TMEM255A: variants seen among roughly 807,000 people sequenced by gnomAD.
TMEM255A encodes transmembrane protein 255A, also known as family with sequence similarity 70, member A.
TMEM255A carries 14 observed loss-of-function variants against 23.5 expected under a neutral mutation model. The observed-to-expected ratio is 0.60, with a 90% CI of 0.39 to 0.93. The LOEUF (loss-of-function observed/expected upper bound fraction) is 0.93, where lower values mean the gene tolerates loss of function less well. Ranked by LOEUF, TMEM255A falls within the 40% of genes least tolerant of loss-of-function variation. The pLI is 0.00. For missense variants in TMEM255A, 233 were observed against 261.7 expected (o/e 0.89, Z 0.76); for synonymous variants, 104 against 100.3 (o/e 1.04, Z -0.22).
At chrX:120,289,076 C>T (rs1556022371) in intron 4 of TMEM255A, among the ~76,000 whole-genome samples, 1 of 111,588 alleles carries the variant, frequency 9.0e-6, no homozygotes, top group Non-Finnish European at 1.9e-5. Flanking sequence ...AACAATAGGA[C>T]AGCTGGCTCT....
At position 120,274,728 on chromosome X, in the gene TMEM255A, A is replaced by G. The variant is rs190535392; in HGVS notation, c.675+2157T>C. The stretch of plus-strand genomic sequence containing the variant: ...GCCTATTCCTTTGTTTAATACACGC[A>G]TCTTGAAAGTGGACAAGGAGAAAAA... On this transcript the variant is annotated intron_variant, in intron 7 of 8. Transcript: ENST00000371369. Among the ~76,000 whole-genome samples the G allele has an allele frequency of 2.3e-4, 26 of 112,197 alleles. No individual in the cohort carries two copies. In the East Asian group the frequency reaches 7.0e-3, roughly 30 times the overall value.
intron 4 of TMEM255A, among the ~76,000 whole-genome samples, chrX:120,290,542 T>G (rs1349033623): frequency 8.9e-6 from 1 of 112,414 alleles, no homozygotes; most frequent in East Asian, 2.8e-4. Context: ...GCTACAAAAA[T>G]AGGTATATAC....
At chrX:120,269,865 C>T (rs915384623) in intron 7 of TMEM255A, among the ~76,000 whole-genome samples, 1 of 112,038 alleles carries the variant, frequency 8.9e-6, no homozygotes, top group Middle Eastern at 4.6e-3. Context: ...AAAACACACC[C>T]TCCAGCTCTC....
chrX:120,285,591 G>A, intron 5 of TMEM255A: 3 of 1,208,904 alleles, frequency 2.5e-6, no homozygotes, highest in Non-Finnish European at 3.4e-6. Flanking sequence ...GAAGACAGAG[G>A]AGCCGGCGCA....
At position 120,271,721 on chromosome X, in the gene TMEM255A, C is replaced by G. The variant is rs187297948; in HGVS notation, c.676-3334G>C. Among the ~76,000 whole-genome samples, 175 of 109,308 alleles carry G rather than the reference C, an allele frequency of 1.6e-3. 1 individual carries two copies. The highest frequency in any genetic ancestry group is 2.7e-3 in the Non-Finnish European group (143 of 52,626). 94.9% of individuals were successfully genotyped at this position (109,308 alleles called of 115,157 possible). ...CTTATACTAGATATAAAAATTAAATCAAAATGTTTCAAAGCCCTAAATGTA... is the reference window on the plus strand; with the variant it reads ...CTTATACTAGATATAAAAATTAAATGAAAATGTTTCAAAGCCCTAAATGTA... On this transcript the variant is annotated intron_variant, in intron 7 of 8. Coordinates refer to ENST00000371369, the MANE Select transcript of TMEM255A (RefSeq NM_001104544.3).
chrX:120,311,239 C>T lies in TMEM255A; in HGVS notation c.58+13G>A. On this transcript the variant is annotated intron_variant, in intron 1 of 8. Coordinates refer to ENST00000371369, the MANE Select transcript of TMEM255A (RefSeq NM_001104544.3). ...CTGCTGCCGCCGCCCGAAGGAAGGG[C>T]CGCTAGACTTACCCATGGAATCGGG... 8.5e-7 allele frequency: 1 copy of T among 1,174,950 alleles called. No homozygotes were observed. Among genetic ancestry groups the T allele is most frequent in the South Asian group, 1.9e-5 (1 of 53,152 alleles).
At chrX:120,251,531 G>A in the TMEM255A span, among the ~76,000 whole-genome samples, 2 of 111,330 alleles carry the variant, frequency 1.8e-5, no homozygotes, top group Admixed American at 9.5e-5. Context: ...CGTGAATTGG[G>A]GTTAAAAACC....
chrX:120,292,591 T>C (rs782763719), intron 3 of TMEM255A, among the ~76,000 whole-genome samples: 83 of 110,649 alleles, frequency 7.5e-4, no homozygotes, highest in African/African-American at 2.7e-3. Flanking sequence ...AAACCTCATC[T>C]CTACTAAAAA....
At chrX:120,296,993 T>A (rs1393956057) in intron 2 of TMEM255A, among the ~76,000 whole-genome samples, 1 of 4,160 alleles carries the variant, frequency 2.4e-4, no homozygotes, top group Non-Finnish European at 3.4e-4. Context: ...ATATATATAT[T>A]ATATATAATA....
Position 120,285,810 on chromosome X carries a change from T to A in TMEM255A, c.424-595A>T, listed in dbSNP as rs2057871256. 3.3e-6 allele frequency: 4 copies of A among 1,200,175 alleles called. No homozygotes were observed. In the East Asian group the frequency reaches 1.2e-4, roughly 36 times the overall value. ...ACGCAAGAAAGCTATCACAACAAAA[T>A]CTAGAGAACAGCAATGACATTTTAC... On this transcript the variant is annotated intron_variant, in intron 5 of 8. Transcript: ENST00000371369.
At chrX:120,253,898 T>C, downstream of TMEM255A, 1 of 1,211,518 alleles carries the variant, frequency 8.3e-7, no homozygotes, top group Middle Eastern at 2.3e-4. Flanking sequence ...ATAATGGGGC[T>C]ACTATAATGC....
intron 6 of TMEM255A, among the ~76,000 whole-genome samples, chrX:120,281,609 A>G (rs782813477): frequency 7.1e-4 from 80 of 112,973 alleles, no homozygotes; most frequent in African/African-American, 2.3e-3. Context: ...ATTGATGCCC[A>G]TTCTTTTAGA....
chrX:120,285,630 T>C (rs782174430), intron 5 of TMEM255A: 1 of 1,211,566 alleles, frequency 8.3e-7, no homozygotes, highest in Admixed American at 2.2e-5. Flanking sequence ...AGTACCTCTC[T>C]AGCTGCCTGG....
At chrX:120,269,732 C>G (rs993764717) in intron 7 of TMEM255A, among the ~76,000 whole-genome samples, 1 of 111,680 alleles carries the variant, frequency 9.0e-6, no homozygotes, top group Middle Eastern at 4.2e-3. Flanking sequence ...CTTGACCATT[C>G]CAAGGGCTGG....
In TMEM255A at chrX:120,263,738, A is replaced by G. The variant is rs782638948; in HGVS notation, c.820-2710T>C. Among the ~76,000 whole-genome samples, 9 of 105,935 alleles carry G rather than the reference A, an allele frequency of 8.5e-5. No homozygotes were observed. In the South Asian group the frequency reaches 1.7e-3, roughly 20 times the overall value. 92.0% of individuals were successfully genotyped at this position (105,935 alleles called of 115,157 possible). On this transcript the variant is annotated intron_variant, in intron 8 of 8. Coordinates refer to ENST00000371369, the MANE Select transcript of TMEM255A (RefSeq NM_001104544.3). ...GAGAAGAGTGGGTAAAAGAAAGAGGAAAAAAAAAAGGATGAGTCAGGAACA... is the reference window on the plus strand; with the variant it reads ...GAGAAGAGTGGGTAAAAGAAAGAGGGAAAAAAAAAGGATGAGTCAGGAACA...
chrX:120,296,641 T>TG (rs2057959690), intron 2 of TMEM255A, among the ~76,000 whole-genome samples: 1 of 66,830 alleles, frequency 1.5e-5, no homozygotes, highest in African/African-American at 6.6e-5. Flanking sequence ...ATATATTATA[T>TG]TATAATATAA....
chrX:120,297,520 A>G (rs2058005010), intron 2 of TMEM255A, among the ~76,000 whole-genome samples: 1 of 110,213 alleles, frequency 9.1e-6, no homozygotes, highest in African/African-American at 3.3e-5. Flanking sequence ...CAGTGTTGCT[A>G]AAACAATCTT....
chrX:120,255,304 C>G, downstream of TMEM255A: 1 of 1,211,689 alleles, frequency 8.3e-7, no homozygotes, highest in Non-Finnish European at 1.1e-6. Context: ...GTAGGGACCA[C>G]TACATCTACT....
intron 6 of TMEM255A, among the ~76,000 whole-genome samples, chrX:120,282,902 G>A (rs1472750410): frequency 3.6e-5 from 4 of 111,218 alleles, no homozygotes; most frequent in Non-Finnish European, 5.7e-5. Flanking sequence ...CTCTCAGTGG[G>A]CCTCCTCTCT....
Sources: gnomAD v4.1 joint callset for allele counts (sites outside exome capture counted in the v4.1 genomes callset) on GRCh38, gnomAD v4.1.1 for gene constraint, MANE v1.5 for transcripts, NCBI Gene and HGNC (gene_info 2026-07-23, HGNC 2026-07-21) for gene names.